The following LRRK2 variants were observed in gnomAD, a reference collection of about 807,000 sequenced individuals.
LRRK2 encodes leucine rich repeat kinase 2.
A neutral mutation model predicts 302.6 loss-of-function variants in LRRK2; 203 were observed. The observed-to-expected ratio is 0.67, with a 90% CI of 0.60 to 0.75. The LOEUF (loss-of-function observed/expected upper bound fraction) is 0.75. Ranked by LOEUF, LRRK2 falls within the 30% of genes least tolerant of loss-of-function variation. The pLI, the probability that LRRK2 is intolerant of heterozygous loss-of-function variation, is 0.00. For synonymous variants in LRRK2, 1,066 were observed against 1,031.9 expected (o/e 1.03, Z -0.63); for missense variants, 2,830 against 2,951.0 (o/e 0.96, Z 0.95).
intron 41 of LRRK2, among the ~76,000 whole-genome samples, chr12:40,345,445 A>C (rs931843562): frequency 5.9e-5 from 9 of 151,908 alleles, no homozygotes; most frequent in African/African-American, 2.2e-4. Context: ...CAACATGGTG[A>C]AACCCTGTCA....
intron 42 of LRRK2, among the ~76,000 whole-genome samples, chr12:40,347,504 A>C (rs989759653): frequency 6.6e-6 from 1 of 152,208 alleles, no homozygotes; most frequent in South Asian, 2.1e-4. Context: ...CTTTCATTTA[A>C]AAAATACTTT....
rs532695102 is a variant in LRRK2, at chr12:40,295,402, ATTGT to A, written c.2879-14_2879-11del. ...ATTTAAATTATTTGCTTATATTTCC[ATTGT>A]TTGTTTGTTTTTGACAAAAGGGTCA... On this transcript the variant is annotated intron_variant, in intron 22 of 50. Coordinates refer to ENST00000298910, the MANE Select transcript of LRRK2 (RefSeq NM_198578.4). 1.9e-3 allele frequency: 3,056 copies of A among 1,594,542 alleles called. 14 individuals carry two copies. Among genetic ancestry groups the A allele is most frequent in the Non-Finnish European group, 1.7e-3 (2,009 of 1,167,446 alleles).
intron 10 of LRRK2, among the ~76,000 whole-genome samples, chr12:40,252,622 TCTC>T (rs954068787): frequency 3.3e-5 from 5 of 152,168 alleles, no homozygotes; most frequent in Admixed American, 3.3e-4. Flanking sequence ...TCCATTCTCT[TCTC>T]CTCACTTTAC....
chr12:40,299,044 G>T (rs2136749016), intron 24 of LRRK2, 65 bp from the exon 25 acceptor site: 1 of 1,540,008 alleles, frequency 6.5e-7, no homozygotes, highest in Non-Finnish European at 8.9e-7. Context: ...AATTGTTTTT[G>T]ATATTTTTTC....
intron 39 of LRRK2, 65 bp from the exon 40 acceptor site, chr12:40,334,902 A>G: frequency 1.3e-6 from 2 of 1,555,520 alleles, no homozygotes; most frequent in Non-Finnish European, 1.8e-6. Flanking sequence ...ATGCACTTTA[A>G]AGAAGGAGAT....
chr12:40,229,314 A>G (rs1432744757), intron 2 of LRRK2, among the ~76,000 whole-genome samples: 1 of 152,180 alleles, frequency 6.6e-6, no homozygotes, highest in Non-Finnish European at 1.5e-5. Flanking sequence ...TTAATTTAAT[A>G]GTAATTCTTA....
intron 50 of LRRK2, chr12:40,367,394 T>C (rs1224627447): frequency 2.5e-6 from 1 of 402,960 alleles, no homozygotes; most frequent in Non-Finnish European, 4.3e-6. Context: ...AGCTTTTATT[T>C]CTTTTAGAAT....
chr12:40,225,194 C>T lies in LRRK2; in HGVS notation c.63C>T (p.Val21=). The T allele has an allele frequency of 6.2e-7, 1 of 1,614,162 alleles. No homozygotes were observed. ...EDEETLKKLI[V]RLNNVQEGKQ... ...AGGAAACTCTGAAGAAGTTGATAGT[C>T]AGGCTGAACAATGTCCAGGAAGGAA... Residue 21 remains valine (V), a synonymous_variant, in exon 1 of 51, where the codon GTC becomes GTT. Transcript: ENST00000298910.
At chr12:40,267,784 T>C (rs1943082402) in intron 14 of LRRK2, among the ~76,000 whole-genome samples, 1 of 152,106 alleles carries the variant, frequency 6.6e-6, no homozygotes, top group Non-Finnish European at 1.5e-5. Flanking sequence ...TTGAGGAAAA[T>C]GGCTCTAAAA....
intron 42 of LRRK2, among the ~76,000 whole-genome samples, chr12:40,347,596 CTT>C (rs1327259354): frequency 6.6e-6 from 1 of 152,090 alleles, no homozygotes; most frequent in Non-Finnish European, 1.5e-5. Flanking sequence ...CAAAAGAAAA[CTT>C]ATTATTAATT....
In LRRK2 at chr12:40,357,541, G is replaced by A. The variant is rs1946575897; in HGVS notation, c.6843+1354G>A. ...CATTTTGTTTTCCGTAGTGGCTATA[G>A]CAATTTACATACACACCAATAGCAT... On this transcript the variant is annotated intron_variant, in intron 46 of 50. Transcript: ENST00000298910. Among the ~76,000 whole-genome samples the A allele has an allele frequency of 2.0e-5, 3 of 152,084 alleles. No homozygotes were observed. The South Asian group carries it at 6.2e-4, about 31-fold the overall frequency.
chr12:40,228,269 T>C (rs1940997316), intron 2 of LRRK2, among the ~76,000 whole-genome samples: 1 of 152,116 alleles, frequency 6.6e-6, no homozygotes, highest in South Asian at 2.1e-4. Flanking sequence ...TTTTTGATAA[T>C]AGCCATTCTG....
At chr12:40,342,440 C>T (rs927916725) in intron 41 of LRRK2, among the ~76,000 whole-genome samples, 1 of 151,384 alleles carries the variant, frequency 6.6e-6, no homozygotes, top group Non-Finnish European at 1.5e-5. Context: ...CTTTTCTTTT[C>T]TGCCTACTCT....
intron 39 of LRRK2, among the ~76,000 whole-genome samples, chr12:40,334,609 A>G (rs1476871640): frequency 6.6e-6 from 1 of 152,206 alleles, no homozygotes; most frequent in Non-Finnish European, 1.5e-5. Flanking sequence ...GTTAAGTAGA[A>G]GTGGATCATT....
chr12:40,325,597 C>T (rs986253483), intron 38 of LRRK2, among the ~76,000 whole-genome samples: 10 of 152,156 alleles, frequency 6.6e-5, no homozygotes, highest in Admixed American at 3.9e-4. Flanking sequence ...CCGGATGTTG[C>T]CAAAGATAAG....
At chr12:40,341,048 C>A (rs17520376) in intron 41 of LRRK2, among the ~76,000 whole-genome samples, 1 of 152,172 alleles carries the variant, frequency 6.6e-6, no homozygotes, top group Non-Finnish European at 1.5e-5. Context: ...ACATCACTGT[C>A]TACCCTGTGG....
intron 44 of LRRK2, 139 bp downstream of exon 44, chr12:40,351,872 C>A (rs1946363857): frequency 2.2e-6 from 2 of 923,062 alleles, no homozygotes; most frequent in Admixed American, 2.3e-5. Context: ...TATTCAAGAG[C>A]AAATGTGTTT....
chr12:40,284,152 A>G lies in LRRK2; in HGVS notation c.2500+19A>G. 6.3e-7 allele frequency: 1 copy of G among 1,580,830 alleles called. No individual in the cohort carries two copies. The highest frequency in any genetic ancestry group is 1.1e-5 in the South Asian group (1 of 87,572). On this transcript the variant is annotated intron_variant, in intron 19 of 50. Transcript: ENST00000298910. ...CAAACAAGTAAGTAACAAGGAGAAT[A>G]TTTTTTACAATTCTTATTTTTAATA... is the stretch of plus-strand genomic sequence containing the variant.
chr12:40,328,906 A>G (rs928807291), intron 39 of LRRK2, among the ~76,000 whole-genome samples: 1 of 152,216 alleles, frequency 6.6e-6, no homozygotes, highest in African/African-American at 2.4e-5. Context: ...CTTGAAGCCT[A>G]GCAAGCTCCT....
Sources: allele counts gnomAD v4.1 joint callset (sites outside exome capture counted in the v4.1 genomes callset), GRCh38; gene constraint gnomAD v4.1.1; transcripts MANE v1.5; gene names NCBI Gene and HGNC (gene_info 2026-07-23, HGNC 2026-07-21).